The following KIAA2012 variants were observed in gnomAD, a reference collection of about 807,000 sequenced individuals.
The protein encoded by KIAA2012 is KIAA2012.
KIAA2012 carries 125 observed loss-of-function variants against 150.6 expected under a neutral mutation model. The ratio of observed to expected loss-of-function variants is 0.83; its 90% confidence interval spans 0.72 to 0.96. The LOEUF is 0.96. Among genes scored for constraint, KIAA2012 ranks in the 40% least tolerant of loss-of-function variants. The pLI is 0.00. For synonymous variants in KIAA2012, 462 were observed against 504.7 expected, an observed-to-expected ratio of 0.92 and a Z score of 1.13; for missense variants, 1,219 against 1,354.9, an observed-to-expected ratio of 0.90 and a Z score of 1.57.
At chr2:202,108,019 G>GCAA (rs1045143205) in intron 9 of KIAA2012, among the ~76,000 whole-genome samples, 47 of 151,906 alleles carry the variant, frequency 3.1e-4, no homozygotes, top group African/African-American at 2.7e-4. Context: ...AACAACAACA[G>GCAA]CAACAACAAC....
chr2:202,113,792 T>C (rs538824496), intron 11 of KIAA2012: 1 of 213,824 alleles, frequency 4.7e-6, no homozygotes, highest in East Asian at 1.3e-4. Flanking sequence ...CCAACCACCC[T>C]GCAGAGGTGG....
intron 14 of KIAA2012, among the ~76,000 whole-genome samples, chr2:202,161,164 T>C (rs1374016467): frequency 1.3e-5 from 2 of 152,186 alleles, no homozygotes; most frequent in Admixed American, 1.3e-4. Context: ...TCAAGTGTAG[T>C]AGTTAGGACT....
chr2:202,104,624 C>T lies in KIAA2012; in HGVS notation c.1325-1137C>T, dbSNP rs1375449776. Among the ~76,000 whole-genome samples, 1 of 152,222 alleles carries T rather than the reference C, an allele frequency of 6.6e-6. No individual in the cohort carries two copies. The highest frequency in any genetic ancestry group is 1.5e-5 in the Non-Finnish European group (1 of 68,038). On this transcript the variant is annotated intron_variant, in intron 8 of 23. Transcript: ENST00000498697. The surrounding 1 kb of genome is among the most constrained non-coding windows in gnomAD (Gnocchi z 4.3). The stretch of plus-strand genomic sequence containing the variant: ...CAGCATAGGGGCTATCCCTTGCTGT[C>T]TGGTACTGGCCCTCTGATAATTACA...
intron 3 of KIAA2012, among the ~76,000 whole-genome samples, chr2:202,091,747 T>G (rs11690765): frequency 0.19 from 28,319 of 152,098 alleles, 3,017 homozygotes; most frequent in East Asian, 0.51. Context: ...ATGAGAAGAG[T>G]GAGCAGAGAA....
At chr2:202,128,774 C>G in intron 12 of KIAA2012, among the ~76,000 whole-genome samples, 1 of 150,368 alleles carries the variant, frequency 6.7e-6, no homozygotes. Context: ...ACAGCCTCCA[C>G]AGGAAAATGC....
intron 2 of KIAA2012, among the ~76,000 whole-genome samples, chr2:202,081,748 T>C (rs1424614364): frequency 2.0e-5 from 3 of 152,134 alleles, no homozygotes; most frequent in African/African-American, 7.2e-5. Context: ...GGTTTCTCCA[T>C]GTTGGTCAGG....
At chr2:202,097,930 T>G (rs1201481450) in intron 5 of KIAA2012, among the ~76,000 whole-genome samples, 4 of 152,234 alleles carry the variant, frequency 2.6e-5, no homozygotes, top group Non-Finnish European at 4.4e-5. Context: ...GTCATTGTTC[T>G]TGACTACAGA....
intron 21 of KIAA2012, among the ~76,000 whole-genome samples, chr2:202,196,339 C>T (rs1007189186): frequency 1.3e-5 from 2 of 151,676 alleles, no homozygotes; most frequent in Non-Finnish European, 2.9e-5. Context: ...GGACTACAGG[C>T]GCCTGCCACC....
intron 19 of KIAA2012, 108 bp downstream of exon 19, chr2:202,190,601 C>T: frequency 1.2e-6 from 1 of 810,398 alleles, no homozygotes; most frequent in Non-Finnish European, 1.9e-6. Flanking sequence ...TAAAACAGCT[C>T]GACCACCTAA....
intron 15 of KIAA2012, among the ~76,000 whole-genome samples, chr2:202,169,121 G>T (rs911907500): frequency 2.0e-5 from 3 of 152,256 alleles, no homozygotes; most frequent in Non-Finnish European, 4.4e-5. Flanking sequence ...ATGCTTAATT[G>T]GGTGGCTACT....
Position 202,190,240 on chromosome 2 carries a change from C to T in KIAA2012, c.2558C>T (p.Thr853Ile). 6.5e-7 allele frequency: 1 copy of T among 1,546,634 alleles called. No individual in the cohort carries two copies. Among genetic ancestry groups the T allele is most frequent in the African/African-American group, 1.4e-5 (1 of 72,770 alleles). Residue 853 changes from threonine (T) to isoleucine (I), a missense_variant, in exon 19 of 24, where the codon ACA becomes ATA. Transcript: ENST00000498697. ...EKKTRPQRKR[T>I]QKERNLEIAA... is the part of the protein sequence containing the mutation. ...AAAACAAGACCCCAAAGGAAAAGGA[C>T]ACAGAAGGAAAGAAATCTGGAGATA... is the stretch of plus-strand genomic sequence containing the variant.
In KIAA2012 at chr2:202,099,634, C is replaced by T. The variant is rs1017974495; in HGVS notation, c.850C>T (p.Leu284Phe). 6.5e-7 allele frequency: 1 copy of T among 1,550,012 alleles called. No individual in the cohort carries two copies. Among genetic ancestry groups the T allele is most frequent in the African/African-American group, 1.4e-5 (1 of 73,028 alleles). ...CTAGGACACGTCAATAGAGAATCACCTTTGTTTATATGCTTCAAAGGAGAG... is the reference window on the plus strand; with the variant it reads ...CTAGGACACGTCAATAGAGAATCACTTTTGTTTATATGCTTCAAAGGAGAG... ...QAEDTSIENH[L>F]CLYASKESYN... Residue 284 changes from leucine to phenylalanine, a missense_variant, in exon 6 of 24, where the codon CTT becomes TTT. Leu to Phe is a conservative substitution (Grantham distance 22, BLOSUM62 0). Transcript: ENST00000498697.
intron 17 of KIAA2012, 115 bp downstream of exon 17, chr2:202,187,213 A>G (rs1574313475): frequency 1.7e-6 from 2 of 1,181,474 alleles, no homozygotes; most frequent in African/African-American, 3.1e-5. Flanking sequence ...AAAGGGGATG[A>G]GGGGGGCACT....
chr2:202,154,934 G>A, intron 14 of KIAA2012, 124 bp downstream of exon 14: 1 of 1,167,672 alleles, frequency 8.6e-7, no homozygotes, highest in Non-Finnish European at 1.2e-6. Context: ...TTATCAGAAG[G>A]GACAGAAAAT....
At chr2:202,197,079 G>T in intron 22 of KIAA2012, 60 bp downstream of exon 22, 1 of 1,546,902 alleles carries the variant, frequency 6.5e-7, no homozygotes, top group Non-Finnish European at 8.7e-7. Context: ...TCACTGTCCA[G>T]TGCTAGTGCT....
intron 11 of KIAA2012, among the ~76,000 whole-genome samples, chr2:202,120,205 G>A (rs543311155): frequency 1.2e-4 from 18 of 152,230 alleles, no homozygotes; most frequent in South Asian, 2.1e-4. Flanking sequence ...GTGCGATCCC[G>A]TCTCTGCAAA....
rs928880112 is a variant in KIAA2012 at position 202,113,324 on chromosome 2, C to T, written c.1652-12C>T. The T allele has an allele frequency of 6.5e-7, 1 of 1,545,532 alleles. No homozygotes were observed. The highest frequency in any genetic ancestry group is 8.8e-7 in the Non-Finnish European group (1 of 1,142,594). On this transcript the variant is annotated splice_polypyrimidine_tract_variant and intron_variant, in intron 10 of 23. Transcript: ENST00000498697. ...GGTACTGACACTGCCTATGCTTGTG[C>T]TTATTTTCAAGAAGATTCCAGCGAC... is the stretch of plus-strand genomic sequence containing the variant.
intron 2 of KIAA2012, among the ~76,000 whole-genome samples, chr2:202,084,661 C>A (rs1057493863): frequency 6.6e-6 from 1 of 152,152 alleles, no homozygotes; most frequent in African/African-American, 2.4e-5. Flanking sequence ...TCCCTTCTGT[C>A]TCCTTTTATA....
At chr2:202,187,361 G>A (rs1328155283) in intron 17 of KIAA2012, among the ~76,000 whole-genome samples, 1 of 151,988 alleles carries the variant, frequency 6.6e-6, no homozygotes, top group African/African-American at 2.4e-5. Flanking sequence ...CTGGAGTGCA[G>A]TGGCGCGGTC....
Sources: allele counts gnomAD v4.1 joint callset (sites outside exome capture counted in the v4.1 genomes callset), GRCh38; gene constraint gnomAD v4.1.1; non-coding constraint Gnocchi (gnomAD v3.1); transcripts MANE v1.5; gene names NCBI Gene and HGNC (gene_info 2026-07-23, HGNC 2026-07-21).